The following SH3RF3 variants were observed in gnomAD, a reference collection of about 807,000 sequenced individuals.
SH3RF3 encodes the protein SH3 domain containing ring finger 3, also known as E3 ubiquitin-protein ligase SH3RF3.
In SH3RF3, 29 loss-of-function variants were observed where a neutral mutation model predicts 66.3. That is an observed-to-expected ratio of 0.44 (90% CI 0.33 to 0.60). The LOEUF (loss-of-function observed/expected upper bound fraction) is 0.60, where lower values mean the gene tolerates loss of function less well. Ranked by LOEUF, SH3RF3 falls within the 20% of genes least tolerant of loss-of-function variation. The probability of loss-of-function intolerance (pLI) is 0.04; values close to 1 mark genes in which losing one functional copy is unlikely to be tolerated. For missense variants in SH3RF3, 1,194 were observed against 1,190.9 expected (o/e 1.00, Z -0.04); for synonymous variants, 583 against 532.0 (o/e 1.10, Z -1.32).
intron 8 of SH3RF3, among the ~76,000 whole-genome samples, chr2:109,472,818 C>T (rs1450929383): frequency 1.3e-5 from 2 of 152,180 alleles, no homozygotes; most frequent in Non-Finnish European, 2.9e-5. Flanking sequence ...GGAAATCCAA[C>T]ACACAGCAAA....
intron 1 of SH3RF3, among the ~76,000 whole-genome samples, chr2:109,243,674 G>A (rs1010622879): frequency 7.2e-5 from 11 of 152,182 alleles, no homozygotes; most frequent in Admixed American, 2.0e-4. Context: ...GGCCAGGGAG[G>A]CAAAGGTCGG....
chr2:109,398,461 C>A, intron 3 of SH3RF3, 129 bp from the exon 4 acceptor site: 1 of 859,512 alleles, frequency 1.2e-6, no homozygotes, highest in Non-Finnish European at 1.8e-6. Context: ...TCTGTGTTTT[C>A]CCTGCAGTCT....
intron 8 of SH3RF3, among the ~76,000 whole-genome samples, chr2:109,485,824 T>C (rs1678954273): frequency 6.6e-6 from 1 of 152,260 alleles, no homozygotes; most frequent in Non-Finnish European, 1.5e-5. Flanking sequence ...ACAGGGATGC[T>C]TTCACACCTA....
In SH3RF3 at chr2:109,197,183, G is replaced by A. The variant is rs182123734; in HGVS notation, c.573+67070G>A. Among the ~76,000 whole-genome samples the A allele has an allele frequency of 5.6e-4, 85 of 152,294 alleles. No homozygotes were observed. The Middle Eastern group carries it at 0.01, about 18-fold the overall frequency. ...CTGCAGCCCTGCGGCCCAGGAAGGC[G>A]GTAGTCTTGTTGCCCTTCCTGCCAA... On this transcript the variant is annotated intron_variant, in intron 1 of 9. Transcript: ENST00000309415.
At chr2:109,318,791 C>T (rs1031460171) in intron 1 of SH3RF3, among the ~76,000 whole-genome samples, 5 of 152,198 alleles carry the variant, frequency 3.3e-5, no homozygotes, top group East Asian at 1.9e-4. Context: ...CCAGCCCTGA[C>T]GAGCTCTGGC....
intron 1 of SH3RF3, among the ~76,000 whole-genome samples, chr2:109,133,485 T>C (rs1185203728): frequency 6.6e-6 from 1 of 152,242 alleles, no homozygotes; most frequent in Admixed American, 6.5e-5. Flanking sequence ...GCTGAGGACC[T>C]TTCTTTGAGT....
intron 1 of SH3RF3, among the ~76,000 whole-genome samples, chr2:109,333,182 G>A (rs1046164843): frequency 4.6e-5 from 7 of 152,208 alleles, no homozygotes; most frequent in Admixed American, 2.0e-4. Context: ...CCTGCACCTC[G>A]GAAAGGCATG....
intron 3 of SH3RF3, among the ~76,000 whole-genome samples, chr2:109,387,631 A>G (rs888598048): frequency 2.6e-5 from 4 of 152,092 alleles, no homozygotes; most frequent in Admixed American, 6.6e-5. Context: ...TGGGCCCCCT[A>G]TTTAACCTGC....
intron 8 of SH3RF3, among the ~76,000 whole-genome samples, chr2:109,467,975 A>T (rs1363528948): frequency 6.6e-6 from 1 of 152,256 alleles, no homozygotes; most frequent in African/African-American, 2.4e-5. Flanking sequence ...AGAGGCAGAG[A>T]GACCCTGGAG....
At chr2:109,202,087 C>G (rs1467714247) in intron 1 of SH3RF3, among the ~76,000 whole-genome samples, 1 of 152,210 alleles carries the variant, frequency 6.6e-6, no homozygotes, top group Non-Finnish European at 1.5e-5. Flanking sequence ...AGGCACACAG[C>G]CTCCCCTCGA....
At chr2:109,290,533 C>T (rs1425228679) in intron 1 of SH3RF3, among the ~76,000 whole-genome samples, 2 of 152,254 alleles carry the variant, frequency 1.3e-5, no homozygotes, top group African/African-American at 2.4e-5. Context: ...TTATGCCTAG[C>T]TAGGCTATGT....
intron 1 of SH3RF3, among the ~76,000 whole-genome samples, chr2:109,166,112 T>A (rs991222144): frequency 1.3e-5 from 2 of 152,156 alleles, no homozygotes; most frequent in Non-Finnish European, 2.9e-5. Context: ...AGCTTAGGAA[T>A]GGGTCAGGCA....
intron 2 of SH3RF3, among the ~76,000 whole-genome samples, chr2:109,348,458 G>A (rs879423741): frequency 6.6e-6 from 1 of 152,222 alleles, no homozygotes; most frequent in Non-Finnish European, 1.5e-5. Context: ...GGTGCGTAGG[G>A]ATCCCTGTGA....
At chr2:109,337,707 G>A (rs1247510977) in intron 1 of SH3RF3, among the ~76,000 whole-genome samples, 1 of 151,848 alleles carries the variant, frequency 6.6e-6, no homozygotes, top group Non-Finnish European at 1.5e-5. Flanking sequence ...GGTTATCTTG[G>A]TGGTCAAGTT....
At chr2:109,457,816 A>G (rs1678102909) in intron 8 of SH3RF3, among the ~76,000 whole-genome samples, 6 of 152,206 alleles carry the variant, frequency 3.9e-5, no homozygotes, top group Admixed American at 3.3e-4. Flanking sequence ...AAACAAGCGC[A>G]CACCCCATAA....
chr2:109,432,510 G>A lies in SH3RF3; in HGVS notation c.1413G>A (p.Ala471=), dbSNP rs771474459. 53 of 1,613,276 alleles carry A rather than the reference G, an allele frequency of 3.3e-5. No individual in the cohort carries two copies. In the Admixed American group the frequency reaches 3.7e-4, roughly 11 times the overall value. Residue 471 remains alanine, a synonymous_variant, in exon 6 of 10, where the codon GCG becomes GCA. Coordinates refer to ENST00000309415, the MANE Select transcript of SH3RF3 (RefSeq NM_001099289.3). ...KVQLPLNVYL[A]LYAYKPQKSD... is the part of the protein sequence containing the mutation. ...CATGCTTTGCCCGCAGGTACCTGGCGCTCTACGCCTACAAGCCCCAGAAGA... is the reference window on the plus strand; with the variant it reads ...CATGCTTTGCCCGCAGGTACCTGGCACTCTACGCCTACAAGCCCCAGAAGA...
intron 1 of SH3RF3, among the ~76,000 whole-genome samples, chr2:109,241,590 G>A (rs1679783141): frequency 6.6e-6 from 1 of 152,068 alleles, no homozygotes; most frequent in Admixed American, 6.5e-5. Flanking sequence ...CAGGCATTGA[G>A]GTTTGGCTTG....
rs901358750 is a variant in SH3RF3 at position 109,154,569 on chromosome 2, A to T, written c.573+24456A>T. On this transcript the variant is annotated intron_variant, in intron 1 of 9. Transcript: ENST00000309415. Reference sequence around the variant, plus strand: ...CCTAAGTTTGAATTGGCCCTAGTTCATGGCCAGAAGCCCACTGAAGGTCAC... The same window carrying T: ...CCTAAGTTTGAATTGGCCCTAGTTCTTGGCCAGAAGCCCACTGAAGGTCAC... Among the ~76,000 whole-genome samples, 4 of 152,192 alleles carry T rather than the reference A, an allele frequency of 2.6e-5. 1 individual carries two copies. Among genetic ancestry groups the T allele is most frequent in the African/African-American group, 4.8e-5 (2 of 41,450 alleles).
chr2:109,341,738 G>A (rs570055680), intron 1 of SH3RF3, among the ~76,000 whole-genome samples: 101 of 152,278 alleles, frequency 6.6e-4, no homozygotes, highest in Non-Finnish European at 8.8e-5. Context: ...CATGCAGCCC[G>A]TGGGAAGGCA....
Sources: gnomAD v4.1 joint callset for allele counts (sites outside exome capture counted in the v4.1 genomes callset) on GRCh38, gnomAD v4.1.1 for gene constraint, MANE v1.5 for transcripts, NCBI Gene and HGNC (gene_info 2026-07-23, HGNC 2026-07-21) for gene names.